Variants in GPC6 observed in about 807,000 individuals in gnomAD.
GPC6 encodes glypican 6.
GPC6 carries 14 observed loss-of-function variants against 55.2 expected under a neutral mutation model. The ratio of observed to expected loss-of-function variants is 0.25; its 90% CI spans 0.17 to 0.40. The LOEUF (loss-of-function observed/expected upper bound fraction) is 0.40, where lower values mean the gene tolerates loss of function less well. Ranked by LOEUF, GPC6 falls within the 10% of genes least tolerant of loss-of-function variation. The pLI, the probability that GPC6 is intolerant of heterozygous loss-of-function variation, is 1.00. For missense variants in GPC6, 641 were observed against 708.5 expected (o/e 0.90, Z 1.08); for synonymous variants, 278 against 259.6 (o/e 1.07, Z -0.68).
intron 7 of GPC6, among the ~76,000 whole-genome samples, chr13:94,396,436 T>C (rs915135191): frequency 3.9e-5 from 6 of 152,236 alleles, no homozygotes; most frequent in Admixed American, 3.3e-4. Context: ...GATGGTGCCC[T>C]GCAGGGGTGT....
chr13:93,555,361 A>G (rs1019001402), intron 2 of GPC6, among the ~76,000 whole-genome samples: 2 of 152,144 alleles, frequency 1.3e-5, no homozygotes, highest in Non-Finnish European at 2.9e-5. Flanking sequence ...TTATCTTCCT[A>G]TACCTGACTT....
intron 2 of GPC6, among the ~76,000 whole-genome samples, chr13:93,645,505 T>C (rs1880134636): frequency 6.6e-6 from 1 of 152,116 alleles, no homozygotes; most frequent in African/African-American, 2.4e-5. Context: ...TTGTCTTTTT[T>C]AATAGCCTGA....
chr13:93,362,154 T>C (rs904317938), intron 1 of GPC6, among the ~76,000 whole-genome samples: 1 of 152,190 alleles, frequency 6.6e-6, no homozygotes, highest in Non-Finnish European at 1.5e-5. Context: ...TCCAAATAAC[T>C]AATCAGAGGA....
At chr13:93,848,506 T>C (rs1037915392) in intron 3 of GPC6, among the ~76,000 whole-genome samples, 4 of 152,128 alleles carry the variant, frequency 2.6e-5, no homozygotes, top group Admixed American at 2.0e-4. Flanking sequence ...TTGGGCATCC[T>C]ACGAATATCT....
chr13:93,684,445 C>G (rs565463176), intron 2 of GPC6, among the ~76,000 whole-genome samples: 1 of 152,132 alleles, frequency 6.6e-6, no homozygotes, highest in Non-Finnish European at 1.5e-5. Context: ...GCCTCGGCCT[C>G]TCAAATTGCT....
Position 93,231,376 on chromosome 13 carries a change from T to TAC in GPC6, c.160+3761_160+3762insCA, listed in dbSNP as rs1217007816. 4.0e-4 allele frequency among the ~76,000 whole-genome samples: 7 copies of TAC among 17,542 alleles called. No homozygotes were observed. In the South Asian group the frequency reaches 5.3e-3, roughly 13 times the overall value. 11.5% of individuals were successfully genotyped at this position (17,542 alleles called of 152,430 possible). Reference sequence around the variant, plus strand: ...ATATATATACGTATATATATATATATATACATATATATATATATATGTATA... The same window carrying TAC: ...ATATATATACGTATATATATATATATACATACATATATATATATATATGTATA... On this transcript the variant is annotated intron_variant, in intron 1 of 8. Transcript: ENST00000377047.
In GPC6 at chr13:94,020,331, G is replaced by T. The variant is rs895608009; in HGVS notation, c.712-7398G>T. ...TACTGATTTCTAGCTTCATTCCTTT[G>T]TGGTCAGAGAATATACTTTGTACGA... On this transcript the variant is annotated intron_variant, in intron 3 of 8. Transcript: ENST00000377047. Among the ~76,000 whole-genome samples, 16 of 151,978 alleles carry T rather than the reference G, an allele frequency of 1.1e-4. 1 individual carries two copies. The highest frequency in any genetic ancestry group is 8.8e-5 in the Non-Finnish European group (6 of 68,006).
chr13:94,340,499 G>A (rs1011248829), intron 6 of GPC6, among the ~76,000 whole-genome samples: 3 of 152,122 alleles, frequency 2.0e-5, no homozygotes, highest in African/African-American at 7.2e-5. Context: ...TTTGGCCTTG[G>A]GGAGATCCTT....
chr13:93,949,109 G>A (rs1566617979), intron 3 of GPC6, among the ~76,000 whole-genome samples: 1 of 152,026 alleles, frequency 6.6e-6, no homozygotes, highest in East Asian at 1.9e-4. Flanking sequence ...TACATTTCCA[G>A]TGGCAAAGGC....
intron 1 of GPC6, among the ~76,000 whole-genome samples, chr13:93,267,770 G>A (rs990275414): frequency 2.0e-4 from 31 of 152,122 alleles, no homozygotes; most frequent in Non-Finnish European, 3.5e-4. Flanking sequence ...CCTGGCCAAA[G>A]TAACAGGCTA....
At chr13:94,352,167 A>G (rs1269255443) in intron 6 of GPC6, among the ~76,000 whole-genome samples, 1 of 151,992 alleles carries the variant, frequency 6.6e-6, no homozygotes, top group Non-Finnish European at 1.5e-5. Flanking sequence ...GCTGAGGCCA[A>G]CCAGGTCTTA....
At chr13:94,362,922 G>A (rs184380672) in intron 6 of GPC6, among the ~76,000 whole-genome samples, 31 of 152,228 alleles carry the variant, frequency 2.0e-4, no homozygotes, top group Admixed American at 3.3e-4. Flanking sequence ...TGTGCAGAAC[G>A]TGCAGGTTTG....
intron 4 of GPC6, among the ~76,000 whole-genome samples, chr13:94,100,415 T>C (rs1197132458): frequency 2.0e-5 from 3 of 152,196 alleles, no homozygotes; most frequent in African/African-American, 7.2e-5. Flanking sequence ...AAGCCAAGAT[T>C]GTTATAATGT....
chr13:93,790,193 T>C (rs1286265069), intron 2 of GPC6, among the ~76,000 whole-genome samples: 2 of 152,126 alleles, frequency 1.3e-5, no homozygotes, highest in African/African-American at 4.8e-5. Context: ...CAGTTAGAAG[T>C]CAAAGCTTGG....
chr13:93,822,682 T>G (rs1887095656), intron 2 of GPC6, among the ~76,000 whole-genome samples: 1 of 150,016 alleles, frequency 6.7e-6, no homozygotes. Context: ...CACTTATGAG[T>G]GTGAACATGC....
intron 3 of GPC6, among the ~76,000 whole-genome samples, chr13:93,929,194 C>T (rs1031634861): frequency 1.3e-5 from 2 of 152,188 alleles, no homozygotes; most frequent in African/African-American, 4.8e-5. Context: ...AGAAAGTCAG[C>T]CTCTCCAGAA....
intron 2 of GPC6, among the ~76,000 whole-genome samples, chr13:93,607,998 C>G (rs1878315156): frequency 6.6e-6 from 1 of 150,714 alleles, no homozygotes; most frequent in Admixed American, 6.6e-5. Context: ...CAGTGATATT[C>G]TTTTCTCTCT....
intron 4 of GPC6, among the ~76,000 whole-genome samples, chr13:94,231,405 T>C (rs1460451041): frequency 3.3e-5 from 5 of 152,152 alleles, no homozygotes. Flanking sequence ...TTCAGAAACA[T>C]TTGGCAGTCC....
intron 3 of GPC6, among the ~76,000 whole-genome samples, chr13:93,942,262 G>A (rs893036966): frequency 2.6e-5 from 4 of 152,190 alleles, no homozygotes; most frequent in Non-Finnish European, 5.9e-5. Context: ...AGGGTTCTGT[G>A]AGTCAGGAGT....
Sources: gnomAD v4.1 joint callset for allele counts (sites outside exome capture counted in the v4.1 genomes callset) on GRCh38, gnomAD v4.1.1 for gene constraint, MANE v1.5 for transcripts, NCBI Gene and HGNC (gene_info 2026-07-23, HGNC 2026-07-21) for gene names.